MOB2: variants seen among roughly 807,000 people sequenced by gnomAD.
MOB2 encodes the protein MOB2 Mps One Binder homolog.
A neutral mutation model predicts 27.4 loss-of-function variants in MOB2; 14 were observed. The ratio of observed to expected loss-of-function variants is 0.51; its 90% confidence interval spans 0.34 to 0.80. The LOEUF is 0.80. Ranked by LOEUF, MOB2 falls within the 30% of genes least tolerant of loss-of-function variation. The pLI is 0.01. For missense variants in MOB2, 304 were observed against 354.6 expected (o/e 0.86, Z 1.15); for synonymous variants, 167 against 151.8 (o/e 1.10, Z -0.74).
Position 1,471,291 on chromosome 11 carries a change from G to A in MOB2, c.490+4C>T, listed in dbSNP as rs377086193. ...ATGACCGCCCAGTGCTGGGGGAGAC[G>A]AACCGTATTTTGTGGGGAACACGTC... is the stretch of plus-strand genomic sequence containing the variant. On this transcript the variant is annotated splice_donor_region_variant and intron_variant, in intron 4 of 4. Coordinates refer to ENST00000329957, the MANE Select transcript of MOB2 (RefSeq NM_001172223.3). 92 of 1,611,228 alleles carry A rather than the reference G, an allele frequency of 5.7e-5. No homozygotes were observed. In the African/African-American group the frequency reaches 9.2e-4, roughly 16 times the overall value.
At chr11:1,483,748 C>T (rs1847940731) in intron 1 of MOB2, among the ~76,000 whole-genome samples, 1 of 152,252 alleles carries the variant, frequency 6.6e-6, no homozygotes, top group Admixed American at 6.5e-5. Context: ...GCCAGTGGTA[C>T]CCATGACGTG....
In MOB2 at chr11:1,471,429, C is replaced by CA. The variant is rs767501730; in HGVS notation, c.366-11dup. The CA allele has an allele frequency of 2.5e-6, 4 of 1,607,742 alleles. No homozygotes were observed. The highest frequency in any genetic ancestry group is 2.2e-5 in the South Asian group (2 of 90,334). Reference sequence around the variant, plus strand: ...ATACCAGTAGTACTGTCTGTGGAGACAGAGACACGGTCAGGGCATGCGCCC... The same window carrying CA: ...ATACCAGTAGTACTGTCTGTGGAGACAAGAGACACGGTCAGGGCATGCGCCC... On this transcript the variant is annotated splice_polypyrimidine_tract_variant and intron_variant, in intron 3 of 4. Coordinates refer to ENST00000329957, the MANE Select transcript of MOB2 (RefSeq NM_001172223.3).
In MOB2 at chr11:1,480,773, C is replaced by A; in HGVS notation, c.223G>T (p.Val75Leu). Residue 75 changes from valine to leucine, a missense_variant, in exon 2 of 5, where the codon GTG (valine) becomes TTG (leucine). Val to Leu is a conservative substitution (Grantham distance 32). Transcript: ENST00000329957. ...AGGTCAATCTCGCGGGGCAGCACCACCAGCTCCTTGAACTGGAAGTCGGTG... is the reference window on the plus strand; with the variant it reads ...AGGTCAATCTCGCGGGGCAGCACCAACAGCTCCTTGAACTGGAAGTCGGTG... ...RITDFQFKEL[V>L]VLPREIDLNE... 3.7e-6 allele frequency: 6 copies of A among 1,605,028 alleles called. No homozygotes were observed. Among genetic ancestry groups the A allele is most frequent in the Non-Finnish European group, 5.1e-6 (6 of 1,176,342 alleles).
In MOB2 at chr11:1,469,632, GAGC is replaced by G. The variant is rs1564907013; in HGVS notation, c.*537_*539del. 1 of 457,000 alleles carries G rather than the reference GAGC, an allele frequency of 2.2e-6. No homozygotes were observed. Among genetic ancestry groups the G allele is most frequent in the Non-Finnish European group, 4.4e-6 (1 of 227,212 alleles). 28.3% of individuals were successfully genotyped at this position (457,000 alleles called of 1,614,324 possible). ...AGGAGGCAGCAGGAAGGGGTGACAG[GAGC>G]AGGAGCAGGTGCAGGGCACCTCACA... On this transcript the variant is annotated 3_prime_UTR_variant, in exon 5 of 5. Coordinates refer to ENST00000329957, the MANE Select transcript of MOB2 (RefSeq NM_001172223.3).
At position 1,469,781 on chromosome 11, in the gene MOB2, G is replaced by T. The variant is rs932622530; in HGVS notation, c.*391C>A. ...CAAGCCCCACCCCCAGAGCAGAGCA[G>T]AGACCCAGGTCTGCAAATCACACCC... is the stretch of plus-strand genomic sequence containing the variant. On this transcript the variant is annotated 3_prime_UTR_variant, in exon 5 of 5. Transcript: ENST00000329957. 11 of 489,932 alleles carry T rather than the reference G, an allele frequency of 2.2e-5. No homozygotes were observed. Among genetic ancestry groups the T allele is most frequent in the African/African-American group, 1.9e-4 (10 of 51,566 alleles). The allele number at this position is 489,932 out of a possible 1,614,324, so 30.3% of individuals were successfully genotyped here.
At chr11:1,483,966 G>A (rs574542913) in intron 1 of MOB2, among the ~76,000 whole-genome samples, 1 of 152,314 alleles carries the variant, frequency 6.6e-6, no homozygotes, top group Admixed American at 6.5e-5. Context: ...TTCACAGGCA[G>A]GGGGAGCTGG....
At chr11:1,476,034 C>T (rs1173325529) in intron 3 of MOB2, among the ~76,000 whole-genome samples, 3 of 152,174 alleles carry the variant, frequency 2.0e-5, no homozygotes, top group Admixed American at 6.5e-5. Flanking sequence ...CCTGGCACTG[C>T]GGCAGTGGAT....
intron 4 of MOB2, among the ~76,000 whole-genome samples, chr11:1,470,783 G>A (rs1474402098): frequency 1.3e-5 from 2 of 149,900 alleles, no homozygotes; most frequent in African/African-American, 4.9e-5. Context: ...CCTCAGGAAG[G>A]GGCCTGTGAT....
intron 4 of MOB2, 48 bp from the exon 5 acceptor site, chr11:1,470,536 A>G: frequency 6.4e-7 from 1 of 1,569,762 alleles, no homozygotes; most frequent in Non-Finnish European, 8.6e-7. Context: ...CTTGGCCCCA[A>G]CAGAGGCCAG....
At chr11:1,485,096 C>T (rs1277383236) in intron 1 of MOB2, among the ~76,000 whole-genome samples, 1 of 152,232 alleles carries the variant, frequency 6.6e-6, no homozygotes, top group African/African-American at 2.4e-5. Context: ...CACCATGCTC[C>T]ACTGCGCCTC....
chr11:1,486,372 C>G, intron 1 of MOB2, 75 bp downstream of exon 1: 2 of 1,208,850 alleles, frequency 1.7e-6, no homozygotes, highest in Non-Finnish European at 2.3e-6. Context: ...CCACCCTGAC[C>G]TCCTTCCTGG....
At chr11:1,480,205 A>G (rs1402827927) in intron 3 of MOB2, among the ~76,000 whole-genome samples, 188 bp downstream of exon 3, 1 of 152,184 alleles carries the variant, frequency 6.6e-6, no homozygotes, top group East Asian at 1.9e-4. Context: ...GGACCTGGGT[A>G]GCTGGGCCAC....
chr11:1,473,809 G>A (rs930941263), intron 3 of MOB2, among the ~76,000 whole-genome samples: 2 of 152,200 alleles, frequency 1.3e-5, no homozygotes, highest in Non-Finnish European at 2.9e-5. Context: ...ATCAGGACAC[G>A]CGGCGGCTTA....
chr11:1,484,332 G>A (rs750318457), intron 1 of MOB2, among the ~76,000 whole-genome samples: 9 of 152,214 alleles, frequency 5.9e-5, no homozygotes, highest in African/African-American at 9.7e-5. Flanking sequence ...ACCAGGCAGC[G>A]TGTGGGGTGC....
At chr11:1,479,550 A>T (rs1336185912) in intron 3 of MOB2, among the ~76,000 whole-genome samples, 1 of 152,206 alleles carries the variant, frequency 6.6e-6, no homozygotes. Flanking sequence ...GACTGAAGCC[A>T]AGGGGACGCC....
chr11:1,471,918 G>A (rs1847797318), intron 3 of MOB2: 1 of 153,806 alleles, frequency 6.5e-6, no homozygotes, highest in African/African-American at 2.4e-5. Flanking sequence ...AAGCAGAGGA[G>A]GGCGGTGGTC....
chr11:1,480,286 C>T (rs1442941667), intron 3 of MOB2, 107 bp downstream of exon 3: 13 of 1,036,154 alleles, frequency 1.3e-5, no homozygotes, highest in Admixed American at 2.2e-5. Context: ...TTCTCAGGGT[C>T]TCCAGGTGAG....
At chr11:1,470,939 C>G (rs1026119425) in intron 4 of MOB2, among the ~76,000 whole-genome samples, 7 of 152,264 alleles carry the variant, frequency 4.6e-5, no homozygotes, top group African/African-American at 9.6e-5. Context: ...GGAGCCCCAC[C>G]ACATCCCACC....
At chr11:1,472,005 C>CA (rs1418242010) in intron 3 of MOB2, 3 of 152,730 alleles carry the variant, frequency 2.0e-5, no homozygotes, top group African/African-American at 7.2e-5. Context: ...CAAGGGCGGC[C>CA]AGTCCTCATG....
Sources: gnomAD v4.1 joint callset for allele counts (sites outside exome capture counted in the v4.1 genomes callset) on GRCh38, gnomAD v4.1.1 for gene constraint, MANE v1.5 for transcripts, NCBI Gene and HGNC (gene_info 2026-07-23, HGNC 2026-07-21) for gene names.